The following PCDH15 variants were observed in gnomAD, a reference collection of about 807,000 sequenced individuals.
PCDH15 encodes protocadherin-15.
Under a neutral mutation model 178.5 loss-of-function variants are expected in PCDH15, and 129 were observed. The ratio of observed to expected loss-of-function variants is 0.72; its 90% CI spans 0.63 to 0.84. The LOEUF is 0.84. Among genes scored for constraint, PCDH15 ranks in the 40% least tolerant of loss-of-function variants. The pLI is 0.00. For missense variants in PCDH15, 2,230 were observed against 2,099.9 expected (o/e 1.06, Z -1.21); for synonymous variants, 800 against 732.0 (o/e 1.09, Z -1.50).
chr10:54,504,528 C>T (rs1039279484), intron 3 of PCDH15, among the ~76,000 whole-genome samples: 3 of 152,088 alleles, frequency 2.0e-5, no homozygotes, highest in East Asian at 1.9e-4. Context: ...ACAAATAAAG[C>T]GTAACCTCTT....
chr10:55,607,603 A>G (rs1161195079), intron 2 of PCDH15, among the ~76,000 whole-genome samples: 2 of 142,410 alleles, frequency 1.4e-5, no homozygotes, highest in Admixed American at 1.4e-4. Flanking sequence ...TTGTAGGGAC[A>G]TGGATGAAAT....
intron 10 of PCDH15, among the ~76,000 whole-genome samples, chr10:54,197,016 C>T (rs1008146174): frequency 6.6e-6 from 1 of 152,088 alleles, no homozygotes; most frequent in Non-Finnish European, 1.5e-5. Flanking sequence ...CCAAATAATT[C>T]GTAATTCTAT....
chr10:54,554,366 A>T, intron 2 of PCDH15, among the ~76,000 whole-genome samples: 1 of 152,204 alleles, frequency 6.6e-6, no homozygotes, highest in East Asian at 1.9e-4. Context: ...AGTACAGAGG[A>T]ATTTAGAATC....
intron 2 of PCDH15, among the ~76,000 whole-genome samples, chr10:55,619,122 G>A (rs985255295): frequency 4.6e-5 from 7 of 152,074 alleles, no homozygotes; most frequent in Middle Eastern, 3.4e-3. Context: ...ATGCAACCAC[G>A]TATGTTGATG....
At chr10:53,981,880 G>A (rs921009224) in intron 21 of PCDH15, among the ~76,000 whole-genome samples, 20 of 149,822 alleles carry the variant, frequency 1.3e-4, no homozygotes, top group Admixed American at 2.0e-4. Context: ...GAGTGAACAG[G>A]CAACCTACAA....
At chr10:55,136,438 A>G (rs1257715943) in intron 2 of PCDH15, among the ~76,000 whole-genome samples, 1 of 152,126 alleles carries the variant, frequency 6.6e-6, no homozygotes, top group Non-Finnish European at 1.5e-5. Context: ...ATGGATATTT[A>G]AAAAACAATG....
At chr10:54,126,804 T>C (rs1284182251) in intron 15 of PCDH15, among the ~76,000 whole-genome samples, 2 of 152,120 alleles carry the variant, frequency 1.3e-5, no homozygotes, top group African/African-American at 4.8e-5. Context: ...TTGTAGGTTT[T>C]GTGGTTCACA....
intron 1 of PCDH15, among the ~76,000 whole-genome samples, chr10:55,306,355 G>A (rs963815633): frequency 1.1e-4 from 17 of 152,184 alleles, no homozygotes; most frequent in East Asian, 1.9e-4. Flanking sequence ...GCGATGAAAT[G>A]TTTTTCCCCT....
chr10:53,865,874 A>G (rs552616898), intron 27 of PCDH15, among the ~76,000 whole-genome samples: 2 of 152,326 alleles, frequency 1.3e-5, no homozygotes, highest in Admixed American at 1.3e-4. Context: ...ATCTGTTTTT[A>G]TGTGACAAAT....
intron 2 of PCDH15, among the ~76,000 whole-genome samples, chr10:55,547,910 T>TGTGTGTGTGAGAGA (rs541144266): frequency 1.7e-4 from 9 of 54,528 alleles, no homozygotes; most frequent in South Asian, 9.7e-4. Context: ...TGTGTGTGTG[T>TGTGTGTGTGAGAGA]GAGAGAGAGA....
At chr10:54,128,563 C>T (rs1199524784) in intron 15 of PCDH15, among the ~76,000 whole-genome samples, 2 of 152,124 alleles carry the variant, frequency 1.3e-5, no homozygotes, top group African/African-American at 4.8e-5. Flanking sequence ...TTCTCTCAAT[C>T]CTTGCCAGAC....
chr10:54,466,972 T>C (rs1028885137), intron 3 of PCDH15, among the ~76,000 whole-genome samples: 1 of 151,986 alleles, frequency 6.6e-6, no homozygotes, highest in African/African-American at 2.4e-5. Flanking sequence ...ATTACTGGTA[T>C]ATATGAACAC....
At chr10:54,243,690 A>G (rs2055640140) in intron 8 of PCDH15, among the ~76,000 whole-genome samples, 1 of 152,200 alleles carries the variant, frequency 6.6e-6, no homozygotes, top group Non-Finnish European at 1.5e-5. Context: ...AAATACAATT[A>G]TATGTTACCT....
At chr10:54,174,656 A>G (rs1347387062) in intron 13 of PCDH15, among the ~76,000 whole-genome samples, 2 of 151,060 alleles carry the variant, frequency 1.3e-5, no homozygotes, top group African/African-American at 4.9e-5. Context: ...ATCAAATGGA[A>G]GGTGTTGCTA....
chr10:55,461,872 T>C (rs1242115539), intron 2 of PCDH15, among the ~76,000 whole-genome samples: 2 of 152,128 alleles, frequency 1.3e-5, no homozygotes, highest in African/African-American at 2.4e-5. Flanking sequence ...ATTGTGATTA[T>C]CATTCATCTG....
intron 16 of PCDH15, among the ~76,000 whole-genome samples, chr10:54,081,643 T>C (rs1346205854): frequency 6.6e-6 from 1 of 152,038 alleles, no homozygotes; most frequent in Admixed American, 6.6e-5. Context: ...ATCCGAGAAA[T>C]AGCTCACAAA....
intron 2 of PCDH15, among the ~76,000 whole-genome samples, chr10:54,929,212 C>G (rs748130709): frequency 2.0e-5 from 3 of 152,122 alleles, no homozygotes; most frequent in Non-Finnish European, 4.4e-5. Flanking sequence ...GCTCCTAACT[C>G]CTAGACTGTG....
chr10:55,371,515 G>C (rs1845508002), intron 2 of PCDH15, among the ~76,000 whole-genome samples: 1 of 152,042 alleles, frequency 6.6e-6, no homozygotes, highest in Non-Finnish European at 1.5e-5. Flanking sequence ...TTGGATCATG[G>C]GGGCCGAATT....
At chr10:55,140,569 A>AT (rs1249151982) in intron 2 of PCDH15, among the ~76,000 whole-genome samples, 1 of 151,864 alleles carries the variant, frequency 6.6e-6, no homozygotes, top group African/African-American at 2.4e-5. Context: ...AAGTTTTATT[A>AT]TTTTTTATTT....
Sources: allele counts gnomAD v4.1 joint callset (sites outside exome capture counted in the v4.1 genomes callset), GRCh38; gene constraint gnomAD v4.1.1; transcripts MANE v1.5; gene names NCBI Gene and HGNC (gene_info 2026-07-23, HGNC 2026-07-21).